Variants in CBX6 observed in about 807,000 individuals in gnomAD.
CBX6 encodes chromobox 6.
A neutral mutation model predicts 28.4 loss-of-function variants in CBX6; 7 were observed. That is an observed-to-expected ratio of 0.25 (90% CI 0.14 to 0.46). The LOEUF is 0.46. Ranked by LOEUF, CBX6 falls within the 20% of genes least tolerant of loss-of-function variation. The probability of loss-of-function intolerance (pLI) is 0.99; values close to 1 mark genes in which losing one functional copy is unlikely to be tolerated. For missense variants in CBX6, 512 were observed against 606.1 expected (o/e 0.84, Z 1.63); for synonymous variants, 297 against 273.4 (o/e 1.09, Z -0.85).
chr22:38,866,581 G>A lies in CBX6; in HGVS notation c.867C>T (p.Asp289=), dbSNP rs756786236. Residue 289 remains aspartate, a synonymous_variant, in exon 5 of 5, where the codon GAC becomes GAT. Coordinates refer to ENST00000407418, the MANE Select transcript of CBX6 (RefSeq NM_014292.5). This position sits in a 1 kb window ranked among gnomAD's most constrained non-coding sequence, Gnocchi z 7.5. ...CGGGGAGGAGCTTGGGGGGCGTGTC[G>A]TCGGGGTCAGAGGACTGTGGTGTAG... ...PSPTPQSSDP[D]DTPPKLLPET... is the part of the protein sequence containing the mutation. 1 of 1,573,676 alleles carries A rather than the reference G, an allele frequency of 6.4e-7. No individual in the cohort carries two copies. Among genetic ancestry groups the A allele is most frequent in the Non-Finnish European group, 8.6e-7 (1 of 1,167,202 alleles).
rs1603249538 is a variant in CBX6 at position 38,864,611 on chromosome 22, C to A, written c.*1598G>T. On this transcript the variant is annotated 3_prime_UTR_variant, in exon 5 of 5. Transcript: ENST00000407418. The stretch of plus-strand genomic sequence containing the variant: ...CATCCCGGGGAGGGGAGGGCTAGGG[C>A]CACGCTGTGGGCCCTGGCAGGGAGA... The A allele has an allele frequency of 6.6e-6, 1 of 152,542 alleles. No homozygotes were observed. The highest frequency in any genetic ancestry group is 1.9e-4 in the East Asian group (1 of 5,190). The allele number at this position is 152,542 out of a possible 1,614,324, so 9.4% of individuals were successfully genotyped here.
rs2093164190 is a variant in CBX6, at chr22:38,864,233, T to C, written c.*1976A>G. 2 of 150,470 alleles carry C rather than the reference T, an allele frequency of 1.3e-5. No homozygotes were observed. Among genetic ancestry groups the C allele is most frequent in the Admixed American group, 1.3e-4 (2 of 15,046 alleles). 9.3% of individuals were successfully genotyped at this position (150,470 alleles called of 1,614,324 possible). On this transcript the variant is annotated 3_prime_UTR_variant, in exon 5 of 5. Coordinates refer to ENST00000407418, the MANE Select transcript of CBX6 (RefSeq NM_014292.5). ...TATTTTTTTCTATTTCTTTTTTTTTTCCTCTTTTTTTGTTTTTGTTTTTTT... is the reference window on the plus strand; with the variant it reads ...TATTTTTTTCTATTTCTTTTTTTTTCCCTCTTTTTTTGTTTTTGTTTTTTT...
intron 4 of CBX6, among the ~76,000 whole-genome samples, chr22:38,869,252 T>C (rs566051659): frequency 6.6e-6 from 1 of 152,298 alleles, no homozygotes; most frequent in Admixed American, 6.5e-5. Context: ...ACTTCTGAAA[T>C]TATGCTTCCA....
rs776183371 is a variant in CBX6, at chr22:38,866,203, GC to G, written c.*5del. The G allele has an allele frequency of 1.3e-6, 2 of 1,585,970 alleles. No individual in the cohort carries two copies. Among genetic ancestry groups the G allele is most frequent in the Admixed American group, 1.7e-5 (1 of 58,486 alleles). ...CCCCCAAGCCCCCCTCCTTGGTGGA[GC>G]CCCCTCACTTGCTCGCCCCAATGCT... is the stretch of plus-strand genomic sequence containing the variant. On this transcript the variant is annotated 3_prime_UTR_variant, in exon 5 of 5. Coordinates refer to ENST00000407418, the MANE Select transcript of CBX6 (RefSeq NM_014292.5). The surrounding 1 kb of genome is among the most constrained non-coding windows in gnomAD (Gnocchi z 7.5).
In CBX6 at chr22:38,866,229, T is replaced by G; in HGVS notation, c.1219A>C (p.Ser407Arg). 6.2e-7 allele frequency: 1 copy of G among 1,610,708 alleles called. No individual in the cohort carries two copies. Among genetic ancestry groups the G allele is most frequent in the Non-Finnish European group, 8.5e-7 (1 of 1,178,694 alleles). ...CCCCCTCACTTGCTCGCCCCAATGC[T>G]GCCACCGCCCCCAGCGGCGCCTGCT... ...GVAGAAGGGGSIGASK is the reference protein window; with the variant it reads ...GVAGAAGGGGRIGASK Residue 407 changes from serine (S) to arginine (R), a missense_variant, in exon 5 of 5, where the codon AGC (serine) becomes CGC (arginine). Around this residue, in one of 7 missense-constraint regions of CBX6, gnomAD observed 33 missense variants for 35.3 expected, o/e 0.94. Transcript: ENST00000407418. The surrounding 1 kb of genome is among the most constrained non-coding windows in gnomAD (Gnocchi z 7.5).
rs1432405769 is a variant in CBX6, at chr22:38,866,160, A to C, written c.*49T>G. The stretch of plus-strand genomic sequence containing the variant: ...AGGGTGGGGTGGGAGCAAGAGTATG[A>C]CTTCGGGCAGGAGGGCCCCCCCAAG... On this transcript the variant is annotated 3_prime_UTR_variant, in exon 5 of 5. Coordinates refer to ENST00000407418, the MANE Select transcript of CBX6 (RefSeq NM_014292.5). This position sits in a 1 kb window ranked among gnomAD's most constrained non-coding sequence, Gnocchi z 7.5. 7.5e-7 allele frequency: 1 copy of C among 1,332,348 alleles called. No homozygotes were observed. Among genetic ancestry groups the C allele is most frequent in the Non-Finnish European group, 1.0e-6 (1 of 959,370 alleles). The allele number at this position is 1,332,348 out of a possible 1,614,324, so 82.5% of individuals were successfully genotyped here. A position where few individuals can be genotyped will look rare whatever the true frequency, so the allele number is the denominator to read the frequency against.
rs539347075 is a variant in CBX6 at position 38,870,078 on chromosome 22, C to G, written c.246+1402G>C. On this transcript the variant is annotated intron_variant, in intron 4 of 4. Coordinates refer to ENST00000407418, the MANE Select transcript of CBX6 (RefSeq NM_014292.5). This position sits in a 1 kb window ranked among gnomAD's most constrained non-coding sequence, Gnocchi z 4.3. ...ATCCCCTGCCACGCCAACTCTGCAG[C>G]CTTCATAGTTTCCTGTGTGTGTCTG... The G allele has an allele frequency of 6.6e-6, 1 of 152,276 alleles. No individual in the cohort carries two copies. The highest frequency in any genetic ancestry group is 1.5e-5 in the Non-Finnish European group (1 of 68,086). The allele number at this position is 152,276 out of a possible 1,614,324, so 9.4% of individuals were successfully genotyped here.
chr22:38,864,880 C>T lies in CBX6; in HGVS notation c.*1329G>A, dbSNP rs2093165907. On this transcript the variant is annotated 3_prime_UTR_variant, in exon 5 of 5. Coordinates refer to ENST00000407418, the MANE Select transcript of CBX6 (RefSeq NM_014292.5). ...CATTCTCCTGGAGAACACAGACCCT[C>T]TGGTCTCCCCTTTGCCTGCCTGCCC... 1 of 152,392 alleles carries T rather than the reference C, an allele frequency of 6.6e-6. No homozygotes were observed. The highest frequency in any genetic ancestry group is 2.1e-4 in the South Asian group (1 of 4,838). 9.4% of individuals were successfully genotyped at this position (152,392 alleles called of 1,614,324 possible). A position where few individuals can be genotyped will look rare whatever the true frequency, so the allele number is the denominator to read the frequency against.
rs955232448 is a variant in CBX6 at position 38,870,521 on chromosome 22, G to A, written c.246+959C>T. The A allele has an allele frequency of 5.9e-5, 9 of 152,248 alleles. 1 individual carries two copies. The highest frequency in any genetic ancestry group is 1.3e-4 in the Non-Finnish European group (9 of 68,050). 9.4% of individuals were successfully genotyped at this position (152,248 alleles called of 1,614,324 possible). A position where few individuals can be genotyped will look rare whatever the true frequency, so the allele number is the denominator to read the frequency against. ...TAAGGTTACTCCCTGGATCCCCTAG[G>A]ATGTGCGTCGCTTGAGGGTGGGGGT... On this transcript the variant is annotated intron_variant, in intron 4 of 4. Coordinates refer to ENST00000407418, the MANE Select transcript of CBX6 (RefSeq NM_014292.5). This position sits in a 1 kb window ranked among gnomAD's most constrained non-coding sequence, Gnocchi z 4.3.
chr22:38,872,087 C>T lies in CBX6; in HGVS notation c.69+35G>A. Reference sequence around the variant, plus strand: ...GGGCCCCCGGCCCCGGCCCCGGCTGCGGACAGCGGCGGCCCGCCCCGGGCG... The same window carrying T: ...GGGCCCCCGGCCCCGGCCCCGGCTGTGGACAGCGGCGGCCCGCCCCGGGCG... On this transcript the variant is annotated intron_variant, in intron 1 of 4. Transcript: ENST00000407418. The surrounding 1 kb of genome is among the most constrained non-coding windows in gnomAD (Gnocchi z 5.0). 2.3e-6 allele frequency: 3 copies of T among 1,323,478 alleles called. No homozygotes were observed. Among genetic ancestry groups the T allele is most frequent in the South Asian group, 1.8e-5 (1 of 55,832 alleles). The allele number at this position is 1,323,478 out of a possible 1,614,324, so 82.0% of individuals were successfully genotyped here.
At chr22:38,867,367 G>T (rs1282006998) in intron 4 of CBX6, among the ~76,000 whole-genome samples, 166 bp from the exon 5 acceptor site, 2 of 152,238 alleles carry the variant, frequency 1.3e-5, no homozygotes, top group East Asian at 1.9e-4. Flanking sequence ...GGAAACAGAG[G>T]TTCAGAGATG....
chr22:38,866,491 G>A lies in CBX6; in HGVS notation c.957C>T (p.Pro319=), dbSNP rs758896892. The change falls in exon 5 of 5, where the codon CCC becomes CCT. Residue 319 remains proline (P), a synonymous_variant. Transcript: ENST00000407418. This position sits in a 1 kb window ranked among gnomAD's most constrained non-coding sequence, Gnocchi z 7.5. ...EPEVLDLSLP[P]ESAATSKRAP... ...CCCGCTTGCTGGTGGCTGCCGACTC[G>A]GGAGGGAGGGACAGGTCGAGCACCT... 1.9e-6 allele frequency: 3 copies of A among 1,594,028 alleles called. No individual in the cohort carries two copies. The highest frequency in any genetic ancestry group is 1.1e-5 in the South Asian group (1 of 90,190).
Position 38,872,030 on chromosome 22 carries a change from G to A in CBX6, c.70-85C>T, listed in dbSNP as rs2093183545. 2 of 1,389,034 alleles carry A rather than the reference G, an allele frequency of 1.4e-6. No individual in the cohort carries two copies. Among genetic ancestry groups the A allele is most frequent in the Non-Finnish European group, 1.9e-6 (2 of 1,059,172 alleles). The allele number at this position is 1,389,034 out of a possible 1,614,324, so 86.0% of individuals were successfully genotyped here. On this transcript the variant is annotated intron_variant, in intron 1 of 4. Coordinates refer to ENST00000407418, the MANE Select transcript of CBX6 (RefSeq NM_014292.5). The surrounding 1 kb of genome is among the most constrained non-coding windows in gnomAD (Gnocchi z 5.0). ...AGGCGGCGGCGCGGGGCTGGGCGAGGGAGCCGGGCTAGCGGGACCGCTTCG... is the reference window on the plus strand; with the variant it reads ...AGGCGGCGGCGCGGGGCTGGGCGAGAGAGCCGGGCTAGCGGGACCGCTTCG...
rs976717236 is a variant in CBX6 at position 38,865,299 on chromosome 22, CA to C, written c.*909del. On this transcript the variant is annotated 3_prime_UTR_variant, in exon 5 of 5. Coordinates refer to ENST00000407418, the MANE Select transcript of CBX6 (RefSeq NM_014292.5). ...AGGAGGGGAGGCCTGGTGACTTCCACAGCAAACCTCCAGACCCAAGCCTGGT... is the reference window on the plus strand; with the variant it reads ...AGGAGGGGAGGCCTGGTGACTTCCACGCAAACCTCCAGACCCAAGCCTGGT... 8 of 152,488 alleles carry C rather than the reference CA, an allele frequency of 5.2e-5. No homozygotes were observed. The highest frequency in any genetic ancestry group is 1.3e-4 in the Admixed American group (2 of 15,296). 9.4% of individuals were successfully genotyped at this position (152,488 alleles called of 1,614,324 possible).
Position 38,865,624 on chromosome 22 carries a change from TA to T in CBX6, c.*584del, listed in dbSNP as rs2093167612. The stretch of plus-strand genomic sequence containing the variant: ...AAAGAGCCAGGGCTGGGGCAGGGCA[TA>T]GGGGGTCTACTTAGGCCTCGTCCAA... On this transcript the variant is annotated 3_prime_UTR_variant, in exon 5 of 5. Coordinates refer to ENST00000407418, the MANE Select transcript of CBX6 (RefSeq NM_014292.5). 6.5e-6 allele frequency: 1 copy of T among 154,014 alleles called. No individual in the cohort carries two copies. The highest frequency in any genetic ancestry group is 2.4e-5 in the African/African-American group (1 of 41,460). The allele number at this position is 154,014 out of a possible 1,614,324, so 9.5% of individuals were successfully genotyped here.
intron 4 of CBX6, among the ~76,000 whole-genome samples, chr22:38,869,344 G>T (rs752300666): frequency 3.3e-5 from 5 of 152,292 alleles, no homozygotes; most frequent in Middle Eastern, 6.8e-3. Flanking sequence ...CCCTGGCTCA[G>T]TGAGTCTCCT....
At position 38,871,799 on chromosome 22, in the gene CBX6, G is replaced by T. The variant is rs772567928; in HGVS notation, c.114-42C>A. The stretch of plus-strand genomic sequence containing the variant: ...GCACAAAATCAGGATGAAGACCAGA[G>T]AGGGACAGGCACGCGGCGAGAGCAA... On this transcript the variant is annotated intron_variant, in intron 2 of 4. Transcript: ENST00000407418. The surrounding 1 kb of genome is among the most constrained non-coding windows in gnomAD (Gnocchi z 5.6). 7.5e-6 allele frequency: 12 copies of T among 1,599,104 alleles called. No homozygotes were observed. In the African/African-American group the frequency reaches 1.6e-4, roughly 21 times the overall value.
chr22:38,867,210 A>G lies in CBX6; in HGVS notation c.247-9T>C. The G allele has an allele frequency of 2.0e-6, 1 of 488,756 alleles. No homozygotes were observed. The highest frequency in any genetic ancestry group is 3.8e-6 in the Non-Finnish European group (1 of 264,540). The allele number at this position is 488,756 out of a possible 1,614,324, so 30.3% of individuals were successfully genotyped here. ...TCGGCCTGGGCCCGCGCCTGCGGGCAGAGGGAGGGGTGGGTGGGACCTCAG... is the reference window on the plus strand; with the variant it reads ...TCGGCCTGGGCCCGCGCCTGCGGGCGGAGGGAGGGGTGGGTGGGACCTCAG... On this transcript the variant is annotated splice_polypyrimidine_tract_variant and intron_variant, in intron 4 of 4. Coordinates refer to ENST00000407418, the MANE Select transcript of CBX6 (RefSeq NM_014292.5).
Position 38,871,464 on chromosome 22 carries a change from G to A in CBX6, c.246+16C>T, listed in dbSNP as rs1464566713. 5 of 1,604,326 alleles carry A rather than the reference G, an allele frequency of 3.1e-6. No individual in the cohort carries two copies. Among genetic ancestry groups the A allele is most frequent in the Non-Finnish European group, 4.3e-6 (5 of 1,175,306 alleles). The stretch of plus-strand genomic sequence containing the variant: ...GGGCCCGAGAGGGGGATGCTGCTGG[G>A]GCTGGGCCAGGTTACCTTCAGGAGG... On this transcript the variant is annotated intron_variant, in intron 4 of 4. Transcript: ENST00000407418. This position sits in a 1 kb window ranked among gnomAD's most constrained non-coding sequence, Gnocchi z 5.6.
Sources: gnomAD v4.1 joint callset for allele counts (sites outside exome capture counted in the v4.1 genomes callset) on GRCh38, gnomAD v4.1.1 for gene constraint, gnomAD v4.1.1 regional missense constraint, Gnocchi (gnomAD v3.1) non-coding constraint, MANE v1.5 for transcripts, NCBI Gene and HGNC (gene_info 2026-07-23, HGNC 2026-07-21) for gene names.